Variants in PTPRD observed in about 807,000 individuals in gnomAD.
The protein encoded by PTPRD is protein tyrosine phosphatase receptor type D.
PTPRD carries 34 observed loss-of-function variants against 214.5 expected under a neutral mutation model. That is an observed-to-expected ratio of 0.16 (90% CI 0.12 to 0.21). The LOEUF is 0.21. Ranked by LOEUF, PTPRD falls within the 10% of genes least tolerant of loss-of-function variation. PTPRD has a pLI of 1.00. For synonymous variants in PTPRD, 1,128 were observed against 845.7 expected (o/e 1.33, Z -5.79); for missense variants, 2,545 against 2,398.7 (o/e 1.06, Z -1.27).
intron 36 of PTPRD, among the ~76,000 whole-genome samples, chr9:8,400,679 C>A (rs1034437757): frequency 1.1e-4 from 16 of 152,102 alleles, no homozygotes; most frequent in Admixed American, 2.6e-4. Flanking sequence ...AGACCCAGAC[C>A]AGGAATCAGA....
At chr9:9,514,346 G>A (rs1418774670) in intron 8 of PTPRD, among the ~76,000 whole-genome samples, 2 of 152,016 alleles carry the variant, frequency 1.3e-5, no homozygotes, top group Admixed American at 1.3e-4. Flanking sequence ...GAATACACAG[G>A]GATCTGGATA....
rs546220237 is a variant in PTPRD at position 10,446,695 on chromosome 9, T to C, written c.-599-105678A>G. ...GCCATGGGACTTGATGTTTGATTTATCTGCAAGAAAACCTGCTGCCCTAAT... is the reference window on the plus strand; with the variant it reads ...GCCATGGGACTTGATGTTTGATTTACCTGCAAGAAAACCTGCTGCCCTAAT... On this transcript the variant is annotated intron_variant, in intron 2 of 45. Coordinates refer to ENST00000381196, the MANE Select transcript of PTPRD (RefSeq NM_002839.4). Among the ~76,000 whole-genome samples, 17 of 152,284 alleles carry C rather than the reference T, an allele frequency of 1.1e-4. No homozygotes were observed. The East Asian group carries it at 2.7e-3, about 24-fold the overall frequency.
chr9:9,646,541 T>A (rs1375288919), intron 7 of PTPRD, among the ~76,000 whole-genome samples: 1 of 152,166 alleles, frequency 6.6e-6, no homozygotes, highest in Non-Finnish European at 1.5e-5. Context: ...GGTATTATTA[T>A]CTGTTTATAC....
At chr9:10,586,254 T>C (rs1434455668) in intron 2 of PTPRD, among the ~76,000 whole-genome samples, 4 of 152,148 alleles carry the variant, frequency 2.6e-5, no homozygotes, top group South Asian at 2.1e-4. Context: ...TACAATTAAA[T>C]GGCATGAACT....
rs1248428151 is a variant in PTPRD, at chr9:9,371,527, T to C, written c.-203+25922A>G. On this transcript the variant is annotated intron_variant, in intron 9 of 45. Coordinates refer to ENST00000381196, the MANE Select transcript of PTPRD (RefSeq NM_002839.4). ...TTTTCTTCTTTATTAGTCTTGCTAG[T>C]GGTCTATCAGTTTTGTTGATCTTTT... is the stretch of plus-strand genomic sequence containing the variant. Among the ~76,000 whole-genome samples, 9 of 152,204 alleles carry C rather than the reference T, an allele frequency of 5.9e-5. No individual in the cohort carries two copies. The East Asian group carries it at 7.7e-4, about 13-fold the overall frequency.
chr9:8,528,206 C>T lies in PTPRD; in HGVS notation c.541+385G>A, dbSNP rs958456428. The T allele has an allele frequency of 6.0e-5, 25 of 415,404 alleles. No individual in the cohort carries two copies. The Admixed American group carries it at 7.9e-4, about 13-fold the overall frequency. The allele number at this position is 415,404 out of a possible 1,614,324, so 25.7% of individuals were successfully genotyped here. Reference sequence around the variant, plus strand: ...TTTAATGGATACAACCATTGGATCTCCTTGCAAGTTCTGAATGAAGTCCAA... The same window carrying T: ...TTTAATGGATACAACCATTGGATCTTCTTGCAAGTTCTGAATGAAGTCCAA... On this transcript the variant is annotated intron_variant, in intron 15 of 45. Coordinates refer to ENST00000381196, the MANE Select transcript of PTPRD (RefSeq NM_002839.4).
At chr9:8,759,102 C>T (rs1414726520) in intron 11 of PTPRD, among the ~76,000 whole-genome samples, 1 of 152,040 alleles carries the variant, frequency 6.6e-6, no homozygotes, top group African/African-American at 2.4e-5. Flanking sequence ...ACGATCAAGG[C>T]TCACTGCAGC....
At chr9:8,443,071 G>C (rs2095601208) in intron 34 of PTPRD, among the ~76,000 whole-genome samples, 1 of 152,150 alleles carries the variant, frequency 6.6e-6, no homozygotes, top group Admixed American at 6.5e-5. Flanking sequence ...CTTAAGCGTG[G>C]AATGTTGAGG....
intron 11 of PTPRD, among the ~76,000 whole-genome samples, chr9:8,787,531 AT>A (rs1475281595): frequency 2.0e-5 from 3 of 152,146 alleles, no homozygotes; most frequent in Non-Finnish European, 4.4e-5. Context: ...AATAATCTAT[AT>A]TGGTTAAAAA....
chr9:9,308,572 C>T (rs931109368), intron 9 of PTPRD, among the ~76,000 whole-genome samples: 12 of 152,096 alleles, frequency 7.9e-5, no homozygotes, highest in African/African-American at 2.9e-4. Flanking sequence ...ATAGAGCCAA[C>T]CTATTAAAGA....
At chr9:9,354,567 G>T (rs1406641120) in intron 9 of PTPRD, among the ~76,000 whole-genome samples, 1 of 151,564 alleles carries the variant, frequency 6.6e-6, no homozygotes, top group African/African-American at 2.4e-5. Flanking sequence ...ATTCATCAGT[G>T]AATGAAACAA....
At position 8,560,440 on chromosome 9, in the gene PTPRD, TACACACACACAC is replaced by T. The variant is rs71317370; in HGVS notation, c.353-31673_353-31662del. Among the ~76,000 whole-genome samples, 3 of 143,430 alleles carry T rather than the reference TACACACACACAC, an allele frequency of 2.1e-5. No homozygotes were observed. The East Asian group carries it at 6.2e-4, about 29-fold the overall frequency. 94.1% of individuals were successfully genotyped at this position (143,430 alleles called of 152,430 possible). On this transcript the variant is annotated intron_variant, in intron 14 of 45. Coordinates refer to ENST00000381196, the MANE Select transcript of PTPRD (RefSeq NM_002839.4). ...CAGTACCAACTTAAAAAAAAATACA[TACACACACACAC>T]ACACACACACACACACACACATATA...
intron 3 of PTPRD, among the ~76,000 whole-genome samples, chr9:10,149,319 G>T (rs1041950683): frequency 3.9e-5 from 6 of 152,182 alleles, no homozygotes; most frequent in Non-Finnish European, 8.8e-5. Context: ...TAAACTGGGA[G>T]AATCTGGGCC....
intron 3 of PTPRD, among the ~76,000 whole-genome samples, chr9:10,231,295 T>A (rs189271024): frequency 6.7e-6 from 1 of 149,898 alleles, no homozygotes; most frequent in Non-Finnish European, 1.5e-5. Context: ...GCACATGGAA[T>A]AGAGAGAGGC....
intron 11 of PTPRD, among the ~76,000 whole-genome samples, chr9:9,000,953 A>G (rs1378263312): frequency 6.6e-6 from 1 of 151,948 alleles, no homozygotes; most frequent in Non-Finnish European, 1.5e-5. Context: ...CCTTAACCAT[A>G]CAAACAGCTA....
chr9:10,436,289 A>C (rs572894774), intron 2 of PTPRD, among the ~76,000 whole-genome samples: 109 of 151,934 alleles, frequency 7.2e-4, no homozygotes, highest in Non-Finnish European at 1.3e-3. Context: ...TATATAAATC[A>C]CATAAATTGT....
At chr9:9,568,914 T>A (rs2085451016) in intron 8 of PTPRD, among the ~76,000 whole-genome samples, 1 of 151,786 alleles carries the variant, frequency 6.6e-6, no homozygotes, top group Non-Finnish European at 1.5e-5. Flanking sequence ...ACTAGCCCAA[T>A]GCTTAGTACA....
intron 7 of PTPRD, among the ~76,000 whole-genome samples, chr9:9,608,568 A>G (rs1223948725): frequency 4.6e-5 from 7 of 152,210 alleles, no homozygotes; most frequent in Non-Finnish European, 8.8e-5. Flanking sequence ...CCAACTATTT[A>G]GTGAATAGAA....
chr9:9,517,335 T>C lies in PTPRD; in HGVS notation c.-237+57397A>G, dbSNP rs1166763792. ...CGCCCTGGAAATAGTGATGACTAAT[T>C]TGAAATTTTAGTAAGGGGATAGACT... On this transcript the variant is annotated intron_variant, in intron 8 of 45. Transcript: ENST00000381196. Among the ~76,000 whole-genome samples, 7 of 152,010 alleles carry C rather than the reference T, an allele frequency of 4.6e-5. No homozygotes were observed. The East Asian group carries it at 9.7e-4, about 21-fold the overall frequency.
Sources: allele counts gnomAD v4.1 joint callset (sites outside exome capture counted in the v4.1 genomes callset), GRCh38; gene constraint gnomAD v4.1.1; transcripts MANE v1.5; gene names NCBI Gene and HGNC (gene_info 2026-07-23, HGNC 2026-07-21).